Variants in CCDC138 observed in about 807,000 individuals in gnomAD.
The protein encoded by CCDC138 is coiled-coil domain-containing protein 138.
A neutral mutation model predicts 82.3 loss-of-function variants in CCDC138; 66 were observed. The ratio of observed to expected loss-of-function variants is 0.80; its 90% CI spans 0.66 to 0.98. The LOEUF (loss-of-function observed/expected upper bound fraction) is 0.98. Ranked by LOEUF, CCDC138 falls within the 50% of genes least tolerant of loss-of-function variation. The probability of loss-of-function intolerance (pLI) is 0.00; values close to 1 mark genes in which losing one functional copy is unlikely to be tolerated. For missense variants in CCDC138, 816 were observed against 758.9 expected (o/e 1.08, Z -0.88); for synonymous variants, 297 against 265.4 (o/e 1.12, Z -1.16).
intron 6 of CCDC138, among the ~76,000 whole-genome samples, chr2:108,800,437 G>C (rs1681709088): frequency 6.6e-6 from 1 of 151,680 alleles, no homozygotes; most frequent in African/African-American, 2.4e-5. Context: ...GCTAATTTTT[G>C]TATTTTTAGT....
At chr2:108,843,563 A>G (rs1689881891) in intron 11 of CCDC138, among the ~76,000 whole-genome samples, 1 of 152,300 alleles carries the variant, frequency 6.6e-6, no homozygotes, top group East Asian at 1.9e-4. Flanking sequence ...TTCTAGTGTG[A>G]CAGTTCTTTA....
At chr2:108,846,515 C>G (rs1164468049) in intron 11 of CCDC138, among the ~76,000 whole-genome samples, 1 of 144,476 alleles carries the variant, frequency 6.9e-6, no homozygotes, top group African/African-American at 2.5e-5. Flanking sequence ...CCATCTCTAC[C>G]GAAAAAAAAA....
chr2:108,834,789 C>T (rs1312194305), intron 10 of CCDC138, among the ~76,000 whole-genome samples: 2 of 152,164 alleles, frequency 1.3e-5, no homozygotes, highest in African/African-American at 2.4e-5. Flanking sequence ...GGTAGTCTCT[C>T]GTCTACTTTC....
chr2:108,822,343 T>C (rs892388620), intron 10 of CCDC138, among the ~76,000 whole-genome samples: 3 of 152,104 alleles, frequency 2.0e-5, no homozygotes. Flanking sequence ...AATAGTAACA[T>C]AATACTACTA....
At chr2:108,844,346 C>G (rs1690082186) in intron 11 of CCDC138, among the ~76,000 whole-genome samples, 1 of 152,140 alleles carries the variant, frequency 6.6e-6, no homozygotes, top group Non-Finnish European at 1.5e-5. Flanking sequence ...CCATCCTCTC[C>G]ATTCTGTTAT....
At chr2:108,837,651 A>G (rs924880354) in intron 10 of CCDC138, among the ~76,000 whole-genome samples, 2 of 152,224 alleles carry the variant, frequency 1.3e-5, no homozygotes, top group African/African-American at 4.8e-5. Context: ...GCTGCCAGTT[A>G]CATAAAAGAA....
intron 2 of CCDC138, chr2:108,883,572 G>A (rs1043046175): frequency 3.3e-5 from 5 of 152,290 alleles, no homozygotes; most frequent in African/African-American, 1.2e-4. Flanking sequence ...TTAATGAAGA[G>A]AGGATTCAGG....
At chr2:108,800,327 C>T (rs1294781591) in intron 6 of CCDC138, among the ~76,000 whole-genome samples, 1 of 152,102 alleles carries the variant, frequency 6.6e-6, no homozygotes, top group African/African-American at 2.4e-5. Context: ...TACAGTGGCA[C>T]GATCTCGGCT....
intron 11 of CCDC138, among the ~76,000 whole-genome samples, chr2:108,841,279 T>TCA (rs1188149192): frequency 6.6e-6 from 1 of 152,222 alleles, no homozygotes; most frequent in African/African-American, 2.4e-5. Flanking sequence ...TTGATCCTGT[T>TCA]GGTTGATGGT....
chr2:108,846,238 T>C (rs765127711), intron 11 of CCDC138, among the ~76,000 whole-genome samples: 3 of 152,244 alleles, frequency 2.0e-5, no homozygotes, highest in Non-Finnish European at 4.4e-5. Context: ...CATGATCTTA[T>C]GTTCTTACAT....
chr2:108,822,685 A>G (rs1390858685), intron 10 of CCDC138, among the ~76,000 whole-genome samples: 1 of 152,186 alleles, frequency 6.6e-6, no homozygotes, highest in Non-Finnish European at 1.5e-5. Context: ...TTAAAAACTC[A>G]CTCTACAGCA....
intron 10 of CCDC138, among the ~76,000 whole-genome samples, chr2:108,824,897 A>G (rs1039616706): frequency 6.6e-6 from 1 of 152,192 alleles, no homozygotes; most frequent in African/African-American, 2.4e-5. Context: ...GCATTGTTAT[A>G]TGTGGTCAGT....
At position 108,805,570 on chromosome 2, in the gene CCDC138, A is replaced by AG. The variant is rs542676087; in HGVS notation, c.855+562_855+563insG. ...GAAACCCCGTCTCTACCAAAAATAC[A>AG]AAAAAAAATAGCTGGGCGTGATGGC... On this transcript the variant is annotated intron_variant, in intron 7 of 14. Coordinates refer to ENST00000295124, the MANE Select transcript of CCDC138 (RefSeq NM_144978.3). 1.4e-3 allele frequency among the ~76,000 whole-genome samples: 9 copies of AG among 6,634 alleles called. No individual in the cohort carries two copies. The South Asian group carries it at 0.039, about 29-fold the overall frequency. The allele number at this position is 6,634 out of a possible 152,430, so 4.4% of individuals were successfully genotyped here. A position where few individuals can be genotyped will look rare whatever the true frequency, so the allele number is the denominator to read the frequency against.
Position 108,788,995 on chromosome 2 carries a change from T to C in CCDC138, c.266+29T>C, listed in dbSNP as rs1679444985. 5.6e-6 allele frequency: 9 copies of C among 1,611,918 alleles called. No individual in the cohort carries two copies. The South Asian group carries it at 7.7e-5, about 14-fold the overall frequency. ...AAGTACCCTGAAACTTTACTGTTGC[T>C]ACCCCCTCAGTATCTCAAAAAACTG... On this transcript the variant is annotated intron_variant, in intron 3 of 14. Coordinates refer to ENST00000295124, the MANE Select transcript of CCDC138 (RefSeq NM_144978.3).
intron 5 of CCDC138, among the ~76,000 whole-genome samples, chr2:108,796,548 G>C (rs983683018): frequency 3.9e-5 from 6 of 152,130 alleles, no homozygotes; most frequent in Admixed American, 2.0e-4. Flanking sequence ...TTGCAGCTCT[G>C]TTCATAATAA....
intron 9 of CCDC138, among the ~76,000 whole-genome samples, chr2:108,813,965 A>G (rs1198300277): frequency 6.6e-6 from 1 of 152,198 alleles, no homozygotes; most frequent in Non-Finnish European, 1.5e-5. Context: ...GTATGACTGT[A>G]TCAGAGTTTG....
chr2:108,794,491 A>G, intron 4 of CCDC138, 49 bp from the exon 5 acceptor site: 1 of 1,508,728 alleles, frequency 6.6e-7, no homozygotes, highest in South Asian at 1.3e-5. Flanking sequence ...AGAATATTTG[A>G]AACAATAAGT....
chr2:108,803,580 C>G (rs1682354355), intron 6 of CCDC138, among the ~76,000 whole-genome samples: 1 of 152,212 alleles, frequency 6.6e-6, no homozygotes, highest in Admixed American at 6.5e-5. Context: ...CCTGGGACTA[C>G]AGATGTGCAC....
At chr2:108,842,738 T>C (rs936629511) in intron 11 of CCDC138, among the ~76,000 whole-genome samples, 5 of 152,192 alleles carry the variant, frequency 3.3e-5, no homozygotes, top group Non-Finnish European at 7.3e-5. Context: ...GATTTAAAAC[T>C]GGAAACAGTG....
Sources: gnomAD v4.1 joint callset for allele counts (sites outside exome capture counted in the v4.1 genomes callset) on GRCh38, gnomAD v4.1.1 for gene constraint, MANE v1.5 for transcripts, NCBI Gene and HGNC (gene_info 2026-07-23, HGNC 2026-07-21) for gene names.